Variants in AKAP13 observed in about 807,000 individuals in gnomAD.
AKAP13 encodes the protein A-kinase anchoring protein 13, also known as A-kinase anchor protein 13.
Under a neutral mutation model 264.5 loss-of-function variants are expected in AKAP13, and 80 were observed. The ratio of observed to expected loss-of-function variants is 0.30; its 90% CI spans 0.25 to 0.36. The LOEUF is 0.36. AKAP13 is among the 10% of genes least tolerant of loss of function. The probability of loss-of-function intolerance (pLI) is 1.00; values close to 1 mark genes in which losing one functional copy is unlikely to be tolerated. For missense variants in AKAP13, 3,712 were observed against 3,435.2 expected (o/e 1.08, Z -2.01); for synonymous variants, 1,380 against 1,250.2 (o/e 1.10, Z -2.19).
intron 1 of AKAP13, among the ~76,000 whole-genome samples, chr15:85,459,647 C>T (rs2074429146): frequency 1.3e-5 from 2 of 152,148 alleles, no homozygotes; most frequent in South Asian, 4.2e-4. Flanking sequence ...TTGCAGGTGA[C>T]CGCCACAACG....
Position 85,581,690 on chromosome 15 carries a change from G to A in AKAP13, c.3622G>A (p.Ala1208Thr). The A allele has an allele frequency of 6.2e-7, 1 of 1,614,100 alleles. No individual in the cohort carries two copies. The highest frequency in any genetic ancestry group is 8.5e-7 in the Non-Finnish European group (1 of 1,180,022). ...DMELSAHDDG[A>T]PAGVREVMRA... Reference sequence around the variant, plus strand: ...GGAGCTCTCAGCCCATGATGATGGGGCCCCAGCTGGTGTGAGGGAAGTCAT... The same window carrying A: ...GGAGCTCTCAGCCCATGATGATGGGACCCCAGCTGGTGTGAGGGAAGTCAT... Residue 1208 changes from alanine to threonine, a missense_variant, in exon 7 of 37, where the codon GCC (alanine) becomes ACC (threonine). By Grantham distance (58) the Ala-to-Thr change is moderately conservative. This residue lies in a region of AKAP13 where 2,759 missense variants were observed against 2,411.7 expected (regional missense o/e 1.14). Coordinates refer to ENST00000394518, the MANE Select transcript of AKAP13 (RefSeq NM_007200.5).
chr15:85,638,738 T>C (rs936091045), intron 8 of AKAP13, among the ~76,000 whole-genome samples: 2 of 150,098 alleles, frequency 1.3e-5, no homozygotes, highest in Non-Finnish European at 2.9e-5. Context: ...TCCTGCTGTT[T>C]ATTACTTCAG....
chr15:85,697,603 G>A lies in AKAP13; in HGVS notation c.5464+4152G>A, dbSNP rs527531105. On this transcript the variant is annotated intron_variant, in intron 17 of 36. Transcript: ENST00000394518. ...AAGAAAATTACTAAAAGGATGAAACGAATAGAATCTATAATGGAAGAAAAA... is the reference window on the plus strand; with the variant it reads ...AAGAAAATTACTAAAAGGATGAAACAAATAGAATCTATAATGGAAGAAAAA... Among the ~76,000 whole-genome samples, 7 of 152,080 alleles carry A rather than the reference G, an allele frequency of 4.6e-5. No individual in the cohort carries two copies. The South Asian group carries it at 1.2e-3, about 27-fold the overall frequency.
chr15:85,482,407 T>C (rs1211018400), intron 1 of AKAP13, among the ~76,000 whole-genome samples: 1 of 152,212 alleles, frequency 6.6e-6, no homozygotes, highest in Non-Finnish European at 1.5e-5. Context: ...ATAATATCTA[T>C]GAAGGTAGGG....
chr15:85,721,820 C>T (rs1395531139), intron 23 of AKAP13, among the ~76,000 whole-genome samples, 171 bp from the exon 24 acceptor site: 1 of 152,218 alleles, frequency 6.6e-6, no homozygotes, highest in Non-Finnish European at 1.5e-5. Flanking sequence ...AAAGTTGAAC[C>T]TCTTGAGTAA....
chr15:85,633,787 G>T (rs1328879892), intron 8 of AKAP13, among the ~76,000 whole-genome samples: 1 of 151,562 alleles, frequency 6.6e-6, no homozygotes, highest in Non-Finnish European at 1.5e-5. Flanking sequence ...CTCGTGATCT[G>T]CCCACCTCGG....
At chr15:85,599,311 T>C (rs2079953025) in intron 8 of AKAP13, among the ~76,000 whole-genome samples, 1 of 152,204 alleles carries the variant, frequency 6.6e-6, no homozygotes, top group African/African-American at 2.4e-5. Context: ...TAGCATATAA[T>C]ATAATGTGGA....
chr15:85,641,178 G>A (rs961819314), intron 9 of AKAP13, among the ~76,000 whole-genome samples: 1 of 151,990 alleles, frequency 6.6e-6, no homozygotes, highest in African/African-American at 2.4e-5. Flanking sequence ...CGGGCGAGGT[G>A]GCTCACGCCT....
rs1262098524 is a variant in AKAP13 at position 85,697,158 on chromosome 15, G to A, written c.5464+3707G>A. On this transcript the variant is annotated intron_variant, in intron 17 of 36. Transcript: ENST00000394518. ...GACAAATCAGTATACCCAAGGCTACGGCAGGAGGAATAAAATCCTATGAAG... is the reference window on the plus strand; with the variant it reads ...GACAAATCAGTATACCCAAGGCTACAGCAGGAGGAATAAAATCCTATGAAG... Among the ~76,000 whole-genome samples the A allele has an allele frequency of 6.6e-5, 10 of 152,138 alleles. 1 individual carries two copies. Among genetic ancestry groups the A allele is most frequent in the East Asian group, 1.9e-4 (1 of 5,200 alleles).
chr15:85,388,517 A>G (rs902404865), intron 1 of AKAP13, among the ~76,000 whole-genome samples: 2 of 151,880 alleles, frequency 1.3e-5, no homozygotes, highest in African/African-American at 4.8e-5. Flanking sequence ...GATGTCTTTT[A>G]TCAAGTTGAG....
chr15:85,597,426 GATTCTTAAATAGGAA>G (rs2079867746), intron 8 of AKAP13, among the ~76,000 whole-genome samples: 1 of 152,182 alleles, frequency 6.6e-6, no homozygotes, highest in Admixed American at 6.5e-5. Context: ...TTCTGCTGGA[GATTCTTAAATAGGAA>G]ATTCTTAAAT....
chr15:85,473,372 A>G (rs1227530005), intron 1 of AKAP13, among the ~76,000 whole-genome samples: 2 of 152,230 alleles, frequency 1.3e-5, no homozygotes, highest in African/African-American at 2.4e-5. Context: ...AGTATTTGAA[A>G]GGGAAATAAT....
chr15:85,622,449 G>A (rs1331490339), intron 8 of AKAP13, among the ~76,000 whole-genome samples: 3 of 152,192 alleles, frequency 2.0e-5, no homozygotes, highest in African/African-American at 7.2e-5. Flanking sequence ...AGTGGAAAGT[G>A]GGGTAGCAGG....
intron 16 of AKAP13, among the ~76,000 whole-genome samples, chr15:85,690,561 A>G (rs908468993): frequency 1.3e-5 from 2 of 152,206 alleles, no homozygotes; most frequent in African/African-American, 4.8e-5. Context: ...TATAGTTCAA[A>G]AGTGTAGTAA....
chr15:85,597,560 G>A (rs17633749), intron 8 of AKAP13, among the ~76,000 whole-genome samples: 45,904 of 152,056 alleles, frequency 0.3, 7,332 homozygotes, highest in Middle Eastern at 0.48. Flanking sequence ...GAATGTGTAC[G>A]CTTGATCCCT....
At chr15:85,635,740 G>A (rs549839942) in intron 8 of AKAP13, among the ~76,000 whole-genome samples, 1 of 152,244 alleles carries the variant, frequency 6.6e-6, no homozygotes, top group East Asian at 1.9e-4. Flanking sequence ...TAGGTGGTAA[G>A]GTTTGGGGTA....
At position 85,740,201 on chromosome 15, in the gene AKAP13, T is replaced by A. The variant is rs985765407; in HGVS notation, c.7558-21T>A. 3 of 1,614,100 alleles carry A rather than the reference T, an allele frequency of 1.9e-6. No homozygotes were observed. The Admixed American group carries it at 5.0e-5, about 27-fold the overall frequency. On this transcript the variant is annotated intron_variant, in intron 33 of 36. Coordinates refer to ENST00000394518, the MANE Select transcript of AKAP13 (RefSeq NM_007200.5). ...TTCATAAAGCCCTGAAACGAATGTT[T>A]CCATTTTGTTCCTTTGGCAGCAGGT... is the stretch of plus-strand genomic sequence containing the variant.
intron 2 of AKAP13, among the ~76,000 whole-genome samples, chr15:85,515,740 G>A (rs1313567076): frequency 1.4e-5 from 2 of 138,292 alleles, no homozygotes; most frequent in Non-Finnish European, 3.1e-5. Context: ...TGACTAGATT[G>A]AAGTTATGCA....
chr15:85,453,455 G>A (rs1383109193), intron 1 of AKAP13, among the ~76,000 whole-genome samples: 1 of 152,226 alleles, frequency 6.6e-6, no homozygotes, highest in Non-Finnish European at 1.5e-5. Context: ...TGTTACCAGT[G>A]AAGACTGTGA....
Sources: allele counts gnomAD v4.1 joint callset (sites outside exome capture counted in the v4.1 genomes callset), GRCh38; gene constraint gnomAD v4.1.1; regional missense constraint gnomAD v4.1.1; transcripts MANE v1.5; gene names NCBI Gene and HGNC (gene_info 2026-07-23, HGNC 2026-07-21).